SHQ1: variants seen among roughly 807,000 people sequenced by gnomAD.
SHQ1 encodes the protein SHQ1, H/ACA ribonucleoprotein assembly factor, also known as protein SHQ1 homolog.
In SHQ1, 49 loss-of-function variants were observed where a neutral mutation model predicts 53.8. The observed-to-expected ratio is 0.91, with a 90% CI of 0.72 to 1.16. The LOEUF (loss-of-function observed/expected upper bound fraction) is 1.16. Ranked by LOEUF, SHQ1 falls within the 50% of genes most tolerant of loss-of-function variation. The pLI is 0.00. For synonymous variants in SHQ1, 243 were observed against 251.0 expected (o/e 0.97, Z 0.30); for missense variants, 738 against 683.1 (o/e 1.08, Z -0.90).
At position 72,848,306 on chromosome 3, in the gene SHQ1, G is replaced by A. The variant is rs1259056268; in HGVS notation, c.35C>T (p.Pro12Leu). The A allele has an allele frequency of 1.2e-6, 2 of 1,614,120 alleles. No individual in the cohort carries two copies. Among genetic ancestry groups the A allele is most frequent in the Non-Finnish European group, 1.7e-6 (2 of 1,180,012 alleles). Residue 12 changes from proline (P) to leucine (L), a missense_variant, in exon 1 of 11, where the codon CCG (proline) becomes CTG (leucine). Coordinates refer to ENST00000325599, the MANE Select transcript of SHQ1 (RefSeq NM_018130.3). ...GCGGATGGCGATAGTCAGGAAGTCC[G>A]GATCCTGGCTGAGGTCGAACGCCGG... ...LTPAFDLSQD[P>L]DFLTIAIRVP... is the part of the protein sequence containing the mutation.
chr3:72,763,154 A>G (rs1705648913), intron 10 of SHQ1, among the ~76,000 whole-genome samples: 1 of 152,126 alleles, frequency 6.6e-6, no homozygotes, highest in Admixed American at 6.5e-5. Context: ...TATCTGGTTA[A>G]GTAAAAAACA....
At chr3:72,735,789 G>A in the SHQ1 span, among the ~76,000 whole-genome samples, 1 of 127,732 alleles carries the variant, frequency 7.8e-6, no homozygotes, top group South Asian at 2.5e-4. Flanking sequence ...AGGCAGGCAG[G>A]CAGGCAGGCA....
downstream of SHQ1, among the ~76,000 whole-genome samples, chr3:72,745,662 T>C (rs1166202707): frequency 6.6e-6 from 1 of 152,184 alleles, no homozygotes; most frequent in African/African-American, 2.4e-5. Flanking sequence ...AGAGCCCTGT[T>C]CAGCTCTGGG....
chr3:72,815,451 C>T, intron 7 of SHQ1, 48 bp from the exon 8 acceptor site: 1 of 1,443,974 alleles, frequency 6.9e-7, no homozygotes, highest in Non-Finnish European at 9.7e-7. Context: ...GAGGTGAAGT[C>T]ATTTAAATAG....
chr3:72,811,204 T>C (rs1707111589), intron 9 of SHQ1, among the ~76,000 whole-genome samples: 1 of 152,182 alleles, frequency 6.6e-6, no homozygotes, highest in South Asian at 2.1e-4. Flanking sequence ...TGAGTGTGTG[T>C]GCAAACAGGC....
the SHQ1 span, among the ~76,000 whole-genome samples, chr3:72,738,088 T>G: frequency 6.6e-6 from 1 of 152,100 alleles, no homozygotes; most frequent in Admixed American, 6.5e-5. Flanking sequence ...ACCTGAGACA[T>G]GAACACCCCA....
chr3:72,793,090 C>T, intron 9 of SHQ1, 54 bp from the exon 10 acceptor site: 1 of 1,476,354 alleles, frequency 6.8e-7, no homozygotes, highest in Non-Finnish European at 9.3e-7. Context: ...AAATTCAGAC[C>T]CTGAGAGGTA....
intron 8 of SHQ1, among the ~76,000 whole-genome samples, chr3:72,813,154 G>A (rs891716259): frequency 1.3e-5 from 2 of 152,090 alleles, no homozygotes; most frequent in African/African-American, 4.8e-5. Context: ...GTCAGCTAAG[G>A]CTATTCAAGA....
At position 72,812,705 on chromosome 3, in the gene SHQ1, C is replaced by T. The variant is rs781674090; in HGVS notation, c.1026G>A (p.Lys342=). The stretch of plus-strand genomic sequence containing the variant: ...ATATCTTTATAGTGTCCCTGTAGGC[C>T]TTCATCACCAGCTTGAAATGGCGAT... ...PLYRHFKLVM[K]AYRDTIKILQ... Residue 342 remains lysine, a synonymous_variant, in exon 9 of 11, where the codon AAG becomes AAA. Coordinates refer to ENST00000325599, the MANE Select transcript of SHQ1 (RefSeq NM_018130.3). The T allele has an allele frequency of 1.2e-6, 2 of 1,614,088 alleles. No individual in the cohort carries two copies. The highest frequency in any genetic ancestry group is 2.2e-5 in the South Asian group (2 of 91,080).
intron 7 of SHQ1, among the ~76,000 whole-genome samples, chr3:72,816,388 T>C (rs1575718117): frequency 6.6e-6 from 1 of 152,330 alleles, no homozygotes; most frequent in African/African-American, 2.4e-5. Flanking sequence ...ATGTGTATAT[T>C]TTCCTTCATA....
intron 10 of SHQ1, among the ~76,000 whole-genome samples, chr3:72,781,347 T>C (rs1706069987): frequency 6.6e-6 from 1 of 152,098 alleles, no homozygotes; most frequent in Non-Finnish European, 1.5e-5. Context: ...TGAGACACCA[T>C]GCACAGCCTC....
the SHQ1 span, among the ~76,000 whole-genome samples, chr3:72,743,330 T>C: frequency 6.6e-6 from 1 of 152,188 alleles, no homozygotes; most frequent in South Asian, 2.1e-4. Flanking sequence ...GAGGGGGTAC[T>C]TTTCATATTC....
At chr3:72,795,172 C>T (rs1706567467) in intron 9 of SHQ1, 2 of 152,206 alleles carry the variant, frequency 1.3e-5, no homozygotes, top group South Asian at 4.1e-4. Context: ...GTGGCTTCCT[C>T]ATATGCAGAT....
intron 10 of SHQ1, 80 bp downstream of exon 10, chr3:72,792,835 TC>T (rs1255702924): frequency 1.7e-6 from 2 of 1,172,540 alleles, no homozygotes; most frequent in Non-Finnish European, 2.4e-6. Context: ...TCAGGTTATT[TC>T]GTTTTCTTCC....
At chr3:72,805,312 T>A (rs1053582140) in intron 9 of SHQ1, among the ~76,000 whole-genome samples, 66 of 152,204 alleles carry the variant, frequency 4.3e-4, no homozygotes, top group Non-Finnish European at 2.6e-4. Context: ...TGGTAAAACA[T>A]AAAGTATTAT....
chr3:72,840,597 T>C (rs955463019), intron 4 of SHQ1, among the ~76,000 whole-genome samples: 1 of 150,338 alleles, frequency 6.7e-6, no homozygotes, highest in Non-Finnish European at 1.5e-5. Flanking sequence ...AAATGGTGCC[T>C]ACTATACACC....
chr3:72,733,078 T>C, the SHQ1 span, among the ~76,000 whole-genome samples: 16 of 151,462 alleles, frequency 1.1e-4, no homozygotes, highest in African/African-American at 3.9e-4. Context: ...AGAGGTGGGG[T>C]GGAGCCCAGT....
At chr3:72,757,577 C>T (rs1368063311) in intron 10 of SHQ1, among the ~76,000 whole-genome samples, 2 of 152,026 alleles carry the variant, frequency 1.3e-5, no homozygotes, top group East Asian at 3.9e-4. Flanking sequence ...AGGGCATTTA[C>T]TGCACATCAA....
At chr3:72,802,410 G>A (rs569146387) in intron 9 of SHQ1, among the ~76,000 whole-genome samples, 3 of 152,146 alleles carry the variant, frequency 2.0e-5, no homozygotes, top group African/African-American at 7.2e-5. Flanking sequence ...GCCTCTCACC[G>A]GCTCCAATGC....
Sources: allele counts gnomAD v4.1 joint callset (sites outside exome capture counted in the v4.1 genomes callset), GRCh38; gene constraint gnomAD v4.1.1; transcripts MANE v1.5; gene names NCBI Gene and HGNC (gene_info 2026-07-23, HGNC 2026-07-21).